KDM4C: variants seen among roughly 807,000 people sequenced by gnomAD.
KDM4C encodes lysine-specific demethylase 4C.
KDM4C carries 81 observed loss-of-function variants against 129.3 expected under a neutral mutation model. The observed-to-expected ratio is 0.63, with a 90% CI of 0.52 to 0.75. The LOEUF (loss-of-function observed/expected upper bound fraction) is 0.75, where lower values mean the gene tolerates loss of function less well. Ranked by LOEUF, KDM4C falls within the 30% of genes least tolerant of loss-of-function variation. The probability of loss-of-function intolerance (pLI) is 0.00; values close to 1 mark genes in which losing one functional copy is unlikely to be tolerated. For missense variants in KDM4C, 1,457 were observed against 1,304.0 expected (o/e 1.12, Z -1.81); for synonymous variants, 573 against 456.1 (o/e 1.26, Z -3.26).
intron 4 of KDM4C, among the ~76,000 whole-genome samples, chr9:6,820,882 C>T (rs192451453): frequency 1.3e-5 from 2 of 151,416 alleles, no homozygotes; most frequent in East Asian, 3.9e-4. Context: ...CCCCCCAACC[C>T]CCGACAGGCC....
chr9:6,977,760 A>G (rs1833175096), intron 8 of KDM4C, among the ~76,000 whole-genome samples: 1 of 152,106 alleles, frequency 6.6e-6, no homozygotes, highest in Non-Finnish European at 1.5e-5. Context: ...AGCTTGATGT[A>G]CACTGCTGTC....
intron 5 of KDM4C, among the ~76,000 whole-genome samples, chr9:6,877,475 C>T (rs529825854): frequency 7.2e-5 from 11 of 152,364 alleles, no homozygotes; most frequent in South Asian, 2.1e-4. Context: ...GCTGGGATTA[C>T]AGGCGTGAGC....
chr9:6,841,408 G>T (rs946093627), intron 4 of KDM4C, among the ~76,000 whole-genome samples: 1 of 152,188 alleles, frequency 6.6e-6, no homozygotes, highest in Non-Finnish European at 1.5e-5. Flanking sequence ...GAAAGACTTA[G>T]CGAGAGAGTG....
At chr9:6,888,832 G>C (rs1478865905) in intron 7 of KDM4C, among the ~76,000 whole-genome samples, 1 of 27,158 alleles carries the variant, frequency 3.7e-5, no homozygotes, top group African/African-American at 2.9e-4. Flanking sequence ...CTGTCGCCCA[G>C]GCTGGAGTGC....
At chr9:6,756,217 A>G (rs946370590), upstream of KDM4C, among the ~76,000 whole-genome samples, 9 of 152,212 alleles carry the variant, frequency 5.9e-5, no homozygotes, top group African/African-American at 2.2e-4. Context: ...TATTAATAGT[A>G]CCTATTCATT....
At chr9:7,117,107 A>G in intron 18 of KDM4C, among the ~76,000 whole-genome samples, 1 of 152,222 alleles carries the variant, frequency 6.6e-6, no homozygotes, top group Non-Finnish European at 1.5e-5. Flanking sequence ...ACAGTCTTCA[A>G]AAGTTATAGA....
At chr9:7,112,608 G>T (rs1838451354) in intron 18 of KDM4C, among the ~76,000 whole-genome samples, 1 of 152,194 alleles carries the variant, frequency 6.6e-6, no homozygotes, top group African/African-American at 2.4e-5. Context: ...CACTTTCAGT[G>T]TGCCCATCTA....
At chr9:6,836,066 T>G (rs1356386984) in intron 4 of KDM4C, among the ~76,000 whole-genome samples, 1 of 152,174 alleles carries the variant, frequency 6.6e-6, no homozygotes, top group Non-Finnish European at 1.5e-5. Flanking sequence ...CAGCTTGAGA[T>G]GTATGAAGGC....
At chr9:6,940,931 G>C (rs903262196) in intron 8 of KDM4C, among the ~76,000 whole-genome samples, 1 of 152,028 alleles carries the variant, frequency 6.6e-6, no homozygotes, top group African/African-American at 2.4e-5. Context: ...TCTACATTGG[G>C]TGAGCTTTGT....
chr9:6,942,073 G>A (rs1378392142), intron 8 of KDM4C, among the ~76,000 whole-genome samples: 2 of 152,196 alleles, frequency 1.3e-5, no homozygotes, highest in Non-Finnish European at 2.9e-5. Context: ...AATTGGTAGA[G>A]CAGTTATTGG....
intron 8 of KDM4C, among the ~76,000 whole-genome samples, chr9:6,914,223 T>C (rs1819887487): frequency 6.6e-6 from 1 of 152,006 alleles, no homozygotes; most frequent in African/African-American, 2.4e-5. Flanking sequence ...CCATGTTCAG[T>C]TAATATTGTA....
chr9:6,908,780 A>G lies in KDM4C; in HGVS notation c.921+15548A>G, dbSNP rs1589047995. On this transcript the variant is annotated intron_variant, in intron 8 of 21. Coordinates refer to ENST00000381309, the MANE Select transcript of KDM4C (RefSeq NM_015061.6). ...CCTGGGTTTGAATCCTAGCATTGTC[A>G]TTTACAGGTAATATCATCTTGGGCA... Among the ~76,000 whole-genome samples the G allele has an allele frequency of 3.9e-5, 6 of 152,290 alleles. No individual in the cohort carries two copies. In the South Asian group the frequency reaches 1.2e-3, roughly 32 times the overall value.
chr9:6,913,457 T>C (rs755460907), intron 8 of KDM4C, among the ~76,000 whole-genome samples: 11 of 152,254 alleles, frequency 7.2e-5, no homozygotes, highest in Non-Finnish European at 1.6e-4. Context: ...TTTCCTTCTT[T>C]AGCTCATACC....
intron 17 of KDM4C, among the ~76,000 whole-genome samples, chr9:7,075,380 G>A (rs1052608023): frequency 1.3e-5 from 2 of 152,126 alleles, no homozygotes; most frequent in East Asian, 1.9e-4. Context: ...GGCAGTGTTG[G>A]GGGGTGCGAC....
intron 19 of KDM4C, among the ~76,000 whole-genome samples, chr9:7,139,460 A>G (rs1841528529): frequency 6.6e-6 from 1 of 152,196 alleles, no homozygotes; most frequent in South Asian, 2.1e-4. Flanking sequence ...AGCAGCCAAC[A>G]CCTGAAGTCA....
chr9:7,110,270 A>G (rs530475576), intron 18 of KDM4C, among the ~76,000 whole-genome samples: 12 of 152,324 alleles, frequency 7.9e-5, no homozygotes, highest in Middle Eastern at 3.4e-3. Flanking sequence ...TTGCCATGAA[A>G]GGTGCACATT....
At chr9:7,167,902 C>G (rs1844563249) in intron 20 of KDM4C, among the ~76,000 whole-genome samples, 1 of 152,212 alleles carries the variant, frequency 6.6e-6, no homozygotes, top group Non-Finnish European at 1.5e-5. Context: ...ATAAGTGTAG[C>G]TGGGCACAGT....
chr9:7,023,141 T>C (rs1410344013), intron 15 of KDM4C, among the ~76,000 whole-genome samples: 1 of 152,178 alleles, frequency 6.6e-6, no homozygotes, highest in African/African-American at 2.4e-5. Context: ...GGTATCAGGG[T>C]AATACTGGCC....
chr9:6,834,319 A>G (rs566522516), intron 4 of KDM4C: 269 of 292,150 alleles, frequency 9.2e-4, no homozygotes, highest in Non-Finnish European at 1.5e-3. Flanking sequence ...TTACAGCATG[A>G]GCCACCCCAT....
Sources: allele counts gnomAD v4.1 joint callset (sites outside exome capture counted in the v4.1 genomes callset), GRCh38; gene constraint gnomAD v4.1.1; transcripts MANE v1.5; gene names NCBI Gene and HGNC (gene_info 2026-07-23, HGNC 2026-07-21).